OSBPL10: variants seen among roughly 807,000 people sequenced by gnomAD.
OSBPL10 encodes the protein oxysterol binding protein like 10.
Under a neutral mutation model 81.7 loss-of-function variants are expected in OSBPL10, and 49 were observed. The ratio of observed to expected loss-of-function variants is 0.60; its 90% confidence interval spans 0.48 to 0.76. The LOEUF (loss-of-function observed/expected upper bound fraction) is 0.76, where lower values mean the gene tolerates loss of function less well. Ranked by LOEUF, OSBPL10 falls within the 30% of genes least tolerant of loss-of-function variation. The pLI, the probability that OSBPL10 is intolerant of heterozygous loss-of-function variation, is 0.00. For missense variants in OSBPL10, 923 were observed against 987.8 expected, an observed-to-expected ratio of 0.93 and a Z score of 0.88; for synonymous variants, 419 against 383.6, an observed-to-expected ratio of 1.09 and a Z score of -1.08.
intron 3 of OSBPL10, among the ~76,000 whole-genome samples, chr3:31,872,966 C>T (rs1175952261): frequency 2.0e-5 from 3 of 152,106 alleles, no homozygotes. Context: ...TTGTGAAAGG[C>T]CATATAATTC....
chr3:31,855,627 A>T (rs1301161734), intron 3 of OSBPL10, among the ~76,000 whole-genome samples: 1 of 152,152 alleles, frequency 6.6e-6, no homozygotes, highest in Non-Finnish European at 1.5e-5. Flanking sequence ...GTACACAGAC[A>T]TGCAGTGTTT....
rs185053168 is a variant in OSBPL10, at chr3:31,905,405, A to G, written c.282-25575T>C. Among the ~76,000 whole-genome samples, 187 of 132,636 alleles carry G rather than the reference A, an allele frequency of 1.4e-3. 2 individuals are homozygous for G. The highest frequency in any genetic ancestry group is 0.013 in the Admixed American group (139 of 11,052). 87.0% of individuals were successfully genotyped at this position (132,636 alleles called of 152,430 possible). On this transcript the variant is annotated intron_variant, in intron 1 of 11. Transcript: ENST00000396556. Reference sequence around the variant, plus strand: ...CGTTCTGTCACCCAGGCTGGAGTGTAGTGGCACAATCTTGGCTCACTGCAA... The same window carrying G: ...CGTTCTGTCACCCAGGCTGGAGTGTGGTGGCACAATCTTGGCTCACTGCAA...
In OSBPL10 at chr3:31,825,210, G is replaced by A. The variant is rs184845900; in HGVS notation, c.729+4830C>T. Among the ~76,000 whole-genome samples the A allele has an allele frequency of 2.6e-3, 391 of 152,302 alleles. 2 individuals carry two copies. Among genetic ancestry groups the A allele is most frequent in the Non-Finnish European group, 4.0e-3 (271 of 68,018 alleles). On this transcript the variant is annotated intron_variant, in intron 4 of 11. Transcript: ENST00000396556. ...TTCCTATTTAGGAAGGTGGTTTTCTGGAGATAGAGCAAGGCATGAACTCAA... is the reference window on the plus strand; with the variant it reads ...TTCCTATTTAGGAAGGTGGTTTTCTAGAGATAGAGCAAGGCATGAACTCAA...
At chr3:31,993,727 T>A (rs1036985226) in intron 2 of OSBPL10, among the ~76,000 whole-genome samples, 2 of 151,872 alleles carry the variant, frequency 1.3e-5, no homozygotes, top group African/African-American at 4.8e-5. Flanking sequence ...TACCAAGTGC[T>A]GGTGAGGATG....
chr3:31,726,144 T>G (rs7622693), intron 6 of OSBPL10, among the ~76,000 whole-genome samples: 14,822 of 151,930 alleles, frequency 0.098, 1,785 homozygotes, highest in African/African-American at 0.29. Flanking sequence ...ATCCCTTTGA[T>G]CTCAGGTAAG....
intron 1 of OSBPL10, among the ~76,000 whole-genome samples, chr3:32,068,975 T>C (rs138015693): frequency 7.4e-4 from 113 of 152,108 alleles, no homozygotes; most frequent in African/African-American, 2.2e-3. Context: ...AACCCTTCTA[T>C]TACCTCCCCT....
At chr3:31,780,290 C>T (rs1698658344) in intron 4 of OSBPL10, among the ~76,000 whole-genome samples, 1 of 149,330 alleles carries the variant, frequency 6.7e-6, no homozygotes, top group Non-Finnish European at 1.5e-5. Flanking sequence ...AAGACTCCGT[C>T]AAAAAAAAAG....
intron 4 of OSBPL10, among the ~76,000 whole-genome samples, chr3:31,772,763 C>T (rs1311059334): frequency 6.6e-6 from 1 of 152,174 alleles, no homozygotes; most frequent in Non-Finnish European, 1.5e-5. Context: ...ACCACAAAAG[C>T]ACTGCAAGTA....
At chr3:32,047,571 T>C (rs565161555) in intron 1 of OSBPL10, among the ~76,000 whole-genome samples, 2 of 152,154 alleles carry the variant, frequency 1.3e-5, no homozygotes, top group Admixed American at 6.5e-5. Context: ...AATTAGCGTA[T>C]AATGAGAAGT....
rs186721504 is a variant in OSBPL10, at chr3:31,925,713, T to C, written c.282-45883A>G. On this transcript the variant is annotated intron_variant, in intron 1 of 11. Transcript: ENST00000396556. ...CTGTAATCCCAGCTACTTGGGAGGC[T>C]GAAGCAGGAGAAGTGCATGAACCTG... 1.3e-3 allele frequency among the ~76,000 whole-genome samples: 198 copies of C among 152,106 alleles called. 7 individuals are homozygous for C. The East Asian group carries it at 0.035, about 27-fold the overall frequency.
At chr3:32,053,282 T>C (rs772756933) in intron 1 of OSBPL10, among the ~76,000 whole-genome samples, 6 of 152,200 alleles carry the variant, frequency 3.9e-5, no homozygotes, top group Non-Finnish European at 5.9e-5. Context: ...GGAATGTGGA[T>C]TTTTCAACTA....
chr3:31,820,368 G>A (rs1344604223), intron 4 of OSBPL10, among the ~76,000 whole-genome samples: 2 of 150,738 alleles, frequency 1.3e-5, no homozygotes, highest in African/African-American at 2.4e-5. Flanking sequence ...AGGCTGAGGC[G>A]GGTGGCTCAT....
intron 1 of OSBPL10, among the ~76,000 whole-genome samples, chr3:31,964,040 G>T (rs899534807): frequency 6.6e-6 from 1 of 152,100 alleles, no homozygotes. Flanking sequence ...AATGTCTTGG[G>T]AGACACAGGT....
chr3:31,869,458 A>C (rs756338966), intron 3 of OSBPL10, among the ~76,000 whole-genome samples: 2 of 152,366 alleles, frequency 1.3e-5, no homozygotes, highest in Non-Finnish European at 1.5e-5. Flanking sequence ...AAATGAGTGC[A>C]AAAGGCTGAT....
intron 1 of OSBPL10, among the ~76,000 whole-genome samples, chr3:31,926,815 C>CA (rs1697087523): frequency 6.6e-6 from 1 of 152,098 alleles, no homozygotes; most frequent in Non-Finnish European, 1.5e-5. Flanking sequence ...CCTACAAAAT[C>CA]AAAGGGAAAG....
chr3:31,884,462 C>T (rs1264620395), intron 1 of OSBPL10, among the ~76,000 whole-genome samples: 1 of 152,228 alleles, frequency 6.6e-6, no homozygotes, highest in Non-Finnish European at 1.5e-5. Context: ...AGTGTTCTTT[C>T]AGCATGGCCT....
At chr3:31,806,523 T>G (rs1699526767) in intron 4 of OSBPL10, among the ~76,000 whole-genome samples, 2 of 152,350 alleles carry the variant, frequency 1.3e-5, no homozygotes, top group South Asian at 4.1e-4. Flanking sequence ...TACATATCTA[T>G]TGAGCTTCCG....
chr3:31,756,939 G>T (rs1483210330), intron 4 of OSBPL10, among the ~76,000 whole-genome samples: 1 of 152,204 alleles, frequency 6.6e-6, no homozygotes, highest in Non-Finnish European at 1.5e-5. Flanking sequence ...TTAGCTAACA[G>T]GCTTCTGAAT....
intron 1 of OSBPL10, among the ~76,000 whole-genome samples, chr3:31,923,419 G>A (rs539698167): frequency 6.6e-6 from 1 of 152,122 alleles, no homozygotes; most frequent in East Asian, 1.9e-4. Context: ...CCAGAGGATC[G>A]TAACGAGGAA....
Sources: allele counts gnomAD v4.1 joint callset (sites outside exome capture counted in the v4.1 genomes callset), GRCh38; gene constraint gnomAD v4.1.1; transcripts MANE v1.5; gene names NCBI Gene and HGNC (gene_info 2026-07-23, HGNC 2026-07-21).